The following GCN1 variants were observed in gnomAD, a reference collection of about 807,000 sequenced individuals.
GCN1 encodes the protein stalled ribosome sensor GCN1.
Under a neutral mutation model 288.4 loss-of-function variants are expected in GCN1, and 90 were observed. That is an observed-to-expected ratio of 0.31 (90% confidence interval 0.26 to 0.37). GCN1 has a LOEUF of 0.37. GCN1 is among the 10% of genes least tolerant of loss of function. The pLI is 1.00. For missense variants in GCN1, 2,586 were observed against 3,419.9 expected, an observed-to-expected ratio of 0.76 and a Z score of 6.08; for synonymous variants, 1,386 against 1,420.2, an observed-to-expected ratio of 0.98 and a Z score of 0.54.
intron 50 of GCN1, among the ~76,000 whole-genome samples, chr12:120,136,945 C>G (rs980626281): frequency 6.6e-6 from 1 of 152,200 alleles, no homozygotes; most frequent in Non-Finnish European, 1.5e-5. Context: ...GCCTATCACA[C>G]AGAGAGAACA....
At position 120,165,815 on chromosome 12, in the gene GCN1, G is replaced by A. The variant is rs771660579; in HGVS notation, c.1613-1094C>T. 4.6e-5 allele frequency among the ~76,000 whole-genome samples: 7 copies of A among 151,072 alleles called. 1 individual carries two copies. The highest frequency in any genetic ancestry group is 7.4e-5 in the Non-Finnish European group (5 of 67,814). On this transcript the variant is annotated intron_variant, in intron 16 of 57. Transcript: ENST00000300648. ...GTTGTTGTTGTTGTTGTTTTGAGAC[G>A]GAGTCTTGCTCTGTCACCCAGGCTG... is the stretch of plus-strand genomic sequence containing the variant.
intron 2 of GCN1, among the ~76,000 whole-genome samples, chr12:120,187,726 C>T (rs747262090): frequency 1.3e-5 from 2 of 152,048 alleles, no homozygotes; most frequent in Non-Finnish European, 2.9e-5. Flanking sequence ...TCCCAAGTAG[C>T]TGGGGCTACA....
chr12:120,178,582 C>T, intron 7 of GCN1, 43 bp downstream of exon 7: 1 of 1,609,838 alleles, frequency 6.2e-7, no homozygotes, highest in Non-Finnish European at 8.5e-7. Context: ...CTCCCAACAT[C>T]CCCAACATAG....
intron 16 of GCN1, among the ~76,000 whole-genome samples, chr12:120,166,040 G>A (rs201710072): frequency 5.9e-5 from 9 of 151,540 alleles, no homozygotes; most frequent in Admixed American, 5.9e-4. Context: ...TGCCCGCCTC[G>A]GCCTCCCAAA....
In GCN1 at chr12:120,137,575, C is replaced by G. The variant is rs777183394; in HGVS notation, c.6633G>C (p.Glu2211Asp). Reference sequence around the variant, plus strand: ...TGATGGCATTTAGGGCATCCCAGCTCTCCTCCAGAACCACAGGGCTGGAGT... The same window carrying G: ...TGATGGCATTTAGGGCATCCCAGCTGTCCTCCAGAACCACAGGGCTGGAGT... The part of the protein sequence containing the change: ...FNDSSPVVLE[E>D]SWDALNAITK... The change falls in exon 49 of 58, where the codon GAG becomes GAC. Residue 2211 changes from glutamate to aspartate, a missense_variant. Physicochemically the swap from Glu to Asp is conservative, Grantham distance 45. Around this residue, in one of 8 missense-constraint regions of GCN1, gnomAD observed 437 missense variants for 570.5 expected, o/e 0.77. Transcript: ENST00000300648. This position sits in a 1 kb window ranked among gnomAD's most constrained non-coding sequence, Gnocchi z 5.2. The G allele has an allele frequency of 5.0e-6, 8 of 1,614,092 alleles. No homozygotes were observed. The African/African-American group carries it at 9.3e-5, about 19-fold the overall frequency.
At chr12:120,168,518 G>A (rs1321479484) in intron 15 of GCN1, 2 of 475,134 alleles carry the variant, frequency 4.2e-6, no homozygotes, top group Non-Finnish European at 7.6e-6. Flanking sequence ...AGGATCCTAG[G>A]TGAACTGCTT....
At chr12:120,157,766 T>A (rs939837274) in intron 26 of GCN1, 83 bp downstream of exon 26, 1 of 1,085,710 alleles carries the variant, frequency 9.2e-7, no homozygotes, top group Non-Finnish European at 1.4e-6. Context: ...CACCAGGAAC[T>A]GTTCATGAGA....
At chr12:120,152,389 GCACACACA>G (rs59756164) in intron 33 of GCN1, among the ~76,000 whole-genome samples, 13 of 116,576 alleles carry the variant, frequency 1.1e-4, no homozygotes, top group Admixed American at 5.4e-4. Flanking sequence ...ACACACACGC[GCACACACA>G]CACACACACA....
chr12:120,132,252 G>T (rs573456045), intron 53 of GCN1, among the ~76,000 whole-genome samples: 1 of 152,320 alleles, frequency 6.6e-6, no homozygotes, highest in Admixed American at 6.5e-5. Context: ...CTTAATTATA[G>T]AAAACCCCAG....
At chr12:120,136,065 A>G (rs185162137) in intron 51 of GCN1, among the ~76,000 whole-genome samples, 3 of 152,252 alleles carry the variant, frequency 2.0e-5, no homozygotes, top group African/African-American at 7.2e-5. Context: ...AAAAACTGCA[A>G]TATCTTTAAA....
rs1486300540 is a variant in GCN1 at position 120,142,529 on chromosome 12, C to T, written c.5807G>A (p.Ser1936Asn). 1 of 1,613,864 alleles carries T rather than the reference C, an allele frequency of 6.2e-7. No homozygotes were observed. The highest frequency in any genetic ancestry group is 8.5e-7 in the Non-Finnish European group (1 of 1,179,926). ...CACCGTTCTCTTATCTGCACACGTGCTGGCCAGGAAACCCAGCAGGAGCCC... is the reference window on the plus strand; with the variant it reads ...CACCGTTCTCTTATCTGCACACGTGTTGGCCAGGAAACCCAGCAGGAGCCC... ...LFGLLLGFLA[S>N]TCADKRTIAA... The change falls in exon 44 of 58, where the codon AGC becomes AAC. Residue 1936 changes from serine to asparagine, a missense_variant. Transcript: ENST00000300648. This position sits in a 1 kb window ranked among gnomAD's most constrained non-coding sequence, Gnocchi z 4.9.
chr12:120,193,894 A>C (rs1879085670), intron 1 of GCN1, among the ~76,000 whole-genome samples: 1 of 152,214 alleles, frequency 6.6e-6, no homozygotes, highest in Non-Finnish European at 1.5e-5. Flanking sequence ...TGGAGACACC[A>C]AATCAGCCCA....
chr12:120,178,566 A>T, intron 7 of GCN1, 59 bp downstream of exon 7: 1 of 1,583,728 alleles, frequency 6.3e-7, no homozygotes, highest in Admixed American at 1.7e-5. Flanking sequence ...CCTTCCCTCC[A>T]GCGAGCTCCC....
chr12:120,151,785 A>G (rs570794594), intron 33 of GCN1, among the ~76,000 whole-genome samples: 2 of 152,288 alleles, frequency 1.3e-5, no homozygotes, highest in South Asian at 4.1e-4. Flanking sequence ...AACTTGTCAA[A>G]ATCACAGAGA....
At chr12:120,146,585 A>T (rs923820470) in intron 38 of GCN1, among the ~76,000 whole-genome samples, 5 of 136,854 alleles carry the variant, frequency 3.7e-5, no homozygotes, top group African/African-American at 1.6e-4. Context: ...TAACTTTTAT[A>T]TATTTTTTTT....
chr12:120,145,442 G>C (rs1034620810), intron 38 of GCN1, 112 bp from the exon 39 acceptor site: 9 of 747,878 alleles, frequency 1.2e-5, no homozygotes, highest in Non-Finnish European at 1.9e-5. Flanking sequence ...GCTTGGCAGG[G>C]GCACCTAGCA....
chr12:120,137,541 T>C lies in GCN1; in HGVS notation c.6663+4A>G. ...GTTGGCTGTGGGGTCAGCAGTCCCC[T>C]CACCTTAGTGATGGCATTTAGGGCA... is the stretch of plus-strand genomic sequence containing the variant. On this transcript the variant is annotated splice_donor_region_variant and intron_variant, in intron 49 of 57. Transcript: ENST00000300648. This position sits in a 1 kb window ranked among gnomAD's most constrained non-coding sequence, Gnocchi z 5.2. 6.2e-7 allele frequency: 1 copy of C among 1,612,932 alleles called. No homozygotes were observed. The highest frequency in any genetic ancestry group is 8.5e-7 in the Non-Finnish European group (1 of 1,178,948).
rs200401993 is a variant in GCN1, at chr12:120,156,895, A to G, written c.3168+17T>C. On this transcript the variant is annotated intron_variant, in intron 27 of 57. Coordinates refer to ENST00000300648, the MANE Select transcript of GCN1 (RefSeq NM_006836.2). This position sits in a 1 kb window ranked among gnomAD's most constrained non-coding sequence, Gnocchi z 5.8. ...ACGAACTGAGTCACAGCAACAGCCA[A>G]CTGAAAACCACATCACCTGTAAGCG... 42 of 1,565,624 alleles carry G rather than the reference A, an allele frequency of 2.7e-5. No homozygotes were observed. The highest frequency in any genetic ancestry group is 3.3e-5 in the Non-Finnish European group (38 of 1,135,980).
chr12:120,178,830 C>G, intron 6 of GCN1, 22 bp downstream of exon 6: 4 of 1,612,990 alleles, frequency 2.5e-6, no homozygotes, highest in Non-Finnish European at 3.4e-6. Flanking sequence ...GCAATGCCCA[C>G]CAGCCCCTGC....
Sources: gnomAD v4.1 joint callset for allele counts (sites outside exome capture counted in the v4.1 genomes callset) on GRCh38, gnomAD v4.1.1 for gene constraint, gnomAD v4.1.1 regional missense constraint, Gnocchi (gnomAD v3.1) non-coding constraint, MANE v1.5 for transcripts, NCBI Gene and HGNC (gene_info 2026-07-23, HGNC 2026-07-21) for gene names.